Variants in GRIK1 observed in about 807,000 individuals in gnomAD.
GRIK1 encodes glutamate ionotropic receptor kainate type subunit 1.
In GRIK1, 69 loss-of-function variants were observed where a neutral mutation model predicts 105.7. That is an observed-to-expected ratio of 0.65 (90% confidence interval 0.54 to 0.80). GRIK1 has a LOEUF of 0.80. GRIK1 is among the 30% of genes least tolerant of loss of function. The pLI, the probability that GRIK1 is intolerant of heterozygous loss-of-function variation, is 0.00. For missense variants in GRIK1, 1,109 were observed against 1,167.3 expected (o/e 0.95, Z 0.73); for synonymous variants, 438 against 431.3 (o/e 1.02, Z -0.19).
chr21:29,790,255 G>T (rs1317348707), intron 1 of GRIK1, among the ~76,000 whole-genome samples: 2 of 152,046 alleles, frequency 1.3e-5, no homozygotes, highest in Non-Finnish European at 2.9e-5. Flanking sequence ...CACCATGTTG[G>T]CCAGGATGGT....
At chr21:29,765,819 T>G (rs1288753879) in intron 1 of GRIK1, among the ~76,000 whole-genome samples, 5 of 152,134 alleles carry the variant, frequency 3.3e-5, no homozygotes, top group Non-Finnish European at 5.9e-5. Flanking sequence ...TCTTTACTAC[T>G]GTTCTTGTCA....
In GRIK1 at chr21:29,616,355, G is replaced by A. The variant is rs193286620; in HGVS notation, c.1099-17418C>T. ...TGTACTTTTTCTTTCAGCTCTAGGG[G>A]TCCTTTATCATTCTTTGACAGGCTT... is the stretch of plus-strand genomic sequence containing the variant. On this transcript the variant is annotated intron_variant, in intron 7 of 17. Transcript: ENST00000327783. 5.1e-4 allele frequency among the ~76,000 whole-genome samples: 78 copies of A among 152,206 alleles called. 1 individual carries two copies. The highest frequency in any genetic ancestry group is 5.0e-3 in the Admixed American group (77 of 15,294).
At chr21:29,537,593 A>G in intron 17 of GRIK1, 1 of 676,170 alleles carries the variant, frequency 1.5e-6, no homozygotes, top group South Asian at 1.8e-5. Context: ...TAGCTGGGCA[A>G]ACTTTGGGAT....
At chr21:29,781,952 G>A (rs2066123719) in intron 1 of GRIK1, among the ~76,000 whole-genome samples, 1 of 149,882 alleles carries the variant, frequency 6.7e-6, no homozygotes, top group South Asian at 2.1e-4. Context: ...TTACAGGCGT[G>A]AGCCACCGCG....
chr21:29,619,496 G>T (rs189022426), intron 7 of GRIK1, among the ~76,000 whole-genome samples: 3 of 151,972 alleles, frequency 2.0e-5, no homozygotes, highest in Non-Finnish European at 2.9e-5. Context: ...GAGTGGGAAG[G>T]GGGTGAGCGG....
At chr21:29,805,240 T>C (rs113484590) in intron 1 of GRIK1, among the ~76,000 whole-genome samples, 6,506 of 152,206 alleles carry the variant, frequency 0.043, 200 homozygotes, top group Non-Finnish European at 0.066. Flanking sequence ...TGCTCACTCA[T>C]TCACAAATCA....
chr21:29,607,643 A>AT (rs371144196), intron 7 of GRIK1, among the ~76,000 whole-genome samples: 10 of 152,258 alleles, frequency 6.6e-5, no homozygotes, highest in Admixed American at 2.6e-4. Context: ...CATTTAATTG[A>AT]TTTTTTTAAA....
chr21:29,597,663 G>A (rs1366233226), intron 8 of GRIK1: 1 of 468,236 alleles, frequency 2.1e-6, no homozygotes, highest in Non-Finnish European at 4.4e-6. Flanking sequence ...AGAGTGAAGA[G>A]GAAGCCAGAA....
At chr21:29,865,390 T>A (rs971041190) in intron 1 of GRIK1, among the ~76,000 whole-genome samples, 5 of 152,232 alleles carry the variant, frequency 3.3e-5, no homozygotes, top group African/African-American at 1.2e-4. Context: ...ATACATTAAA[T>A]CTGACCTTTT....
chr21:29,881,477 G>C (rs2069406543), intron 1 of GRIK1, among the ~76,000 whole-genome samples: 1 of 152,108 alleles, frequency 6.6e-6, no homozygotes, highest in Non-Finnish European at 1.5e-5. Context: ...CCACACAGCA[G>C]ATAAGTGTCT....
At chr21:29,700,759 C>T (rs1312134288) in intron 1 of GRIK1, among the ~76,000 whole-genome samples, 1 of 152,140 alleles carries the variant, frequency 6.6e-6, no homozygotes, top group Non-Finnish European at 1.5e-5. Context: ...CTGCTGCCTA[C>T]TGATTCCATC....
At chr21:29,828,646 T>C (rs1165573548) in intron 1 of GRIK1, among the ~76,000 whole-genome samples, 2 of 152,028 alleles carry the variant, frequency 1.3e-5, no homozygotes, top group African/African-American at 4.8e-5. Context: ...GGACTGTAGC[T>C]GCACACTACC....
intron 1 of GRIK1, among the ~76,000 whole-genome samples, chr21:29,939,081 C>G (rs553543049): frequency 6.6e-6 from 1 of 152,200 alleles, no homozygotes; most frequent in Admixed American, 6.5e-5. Context: ...GCTCGCGATC[C>G]CTTGCCCAGA....
intron 1 of GRIK1, among the ~76,000 whole-genome samples, chr21:29,855,271 A>G (rs1049503507): frequency 6.6e-6 from 1 of 152,240 alleles, no homozygotes; most frequent in African/African-American, 2.4e-5. Context: ...AAAGTAGTAA[A>G]ATAAAAAAGA....
chr21:29,585,189 A>G (rs2091103920), intron 12 of GRIK1, among the ~76,000 whole-genome samples: 1 of 152,132 alleles, frequency 6.6e-6, no homozygotes, highest in Admixed American at 6.6e-5. Context: ...GAGTAGAACT[A>G]CTGAATGGAT....
At chr21:29,861,821 A>T (rs2068649520) in intron 1 of GRIK1, 1 of 265,690 alleles carries the variant, frequency 3.8e-6, no homozygotes, top group Non-Finnish European at 7.5e-6. Flanking sequence ...CCATTTAATT[A>T]TGTTGTATAA....
chr21:29,574,976 G>A (rs2090854116), intron 14 of GRIK1, among the ~76,000 whole-genome samples: 1 of 151,898 alleles, frequency 6.6e-6, no homozygotes, highest in African/African-American at 2.4e-5. Flanking sequence ...TTACAAGCGT[G>A]AGCCACCGCG....
intron 7 of GRIK1, among the ~76,000 whole-genome samples, chr21:29,623,737 AT>A (rs2062059814): frequency 6.6e-6 from 1 of 152,244 alleles, no homozygotes; most frequent in Non-Finnish European, 1.5e-5. Context: ...AATAAATAAA[AT>A]AGAATGAATA....
chr21:29,929,858 T>A (rs2071507404), intron 1 of GRIK1, among the ~76,000 whole-genome samples: 1 of 152,200 alleles, frequency 6.6e-6, no homozygotes, highest in Admixed American at 6.5e-5. Flanking sequence ...TGAAGAGATA[T>A]CTGCACTTCA....
Sources: allele counts gnomAD v4.1 joint callset (sites outside exome capture counted in the v4.1 genomes callset), GRCh38; gene constraint gnomAD v4.1.1; transcripts MANE v1.5; gene names NCBI Gene and HGNC (gene_info 2026-07-23, HGNC 2026-07-21).